ELMO1: variants seen among roughly 807,000 people sequenced by gnomAD.
The protein encoded by ELMO1 is engulfment and cell motility 1.
A neutral mutation model predicts 98.9 loss-of-function variants in ELMO1; 26 were observed. The observed-to-expected ratio is 0.26, with a 90% CI of 0.19 to 0.36. The LOEUF (loss-of-function observed/expected upper bound fraction) is 0.36, where lower values mean the gene tolerates loss of function less well. Among genes scored for constraint, ELMO1 ranks in the 10% least tolerant of loss-of-function variants. The pLI is 1.00. For synonymous variants in ELMO1, 346 were observed against 346.0 expected, an observed-to-expected ratio of 1.00 and a Z score of 0.00; for missense variants, 627 against 935.2, an observed-to-expected ratio of 0.67 and a Z score of 4.30.
At chr7:37,062,326 T>C (rs992519817) in intron 15 of ELMO1, among the ~76,000 whole-genome samples, 2 of 152,150 alleles carry the variant, frequency 1.3e-5, no homozygotes, top group Non-Finnish European at 1.5e-5. Context: ...CTTACCAGAG[T>C]ACATAAAGCC....
At chr7:36,951,124 T>G (rs756049138) in intron 16 of ELMO1, among the ~76,000 whole-genome samples, 15 of 152,216 alleles carry the variant, frequency 9.9e-5, no homozygotes, top group Non-Finnish European at 1.8e-4. Flanking sequence ...CATTTACTGC[T>G]TGGACCTGTG....
At chr7:37,272,488 C>T (rs1459673969) in intron 4 of ELMO1, among the ~76,000 whole-genome samples, 6 of 152,104 alleles carry the variant, frequency 3.9e-5, no homozygotes, top group African/African-American at 7.2e-5. Flanking sequence ...GCCAGTATGG[C>T]GAAACCCCGT....
At chr7:36,997,480 G>A (rs1384674697) in intron 16 of ELMO1, among the ~76,000 whole-genome samples, 1 of 152,096 alleles carries the variant, frequency 6.6e-6, no homozygotes, top group Non-Finnish European at 1.5e-5. Context: ...GTAGGACTTG[G>A]GGACCTACTA....
chr7:37,245,952 A>G (rs912171080), intron 6 of ELMO1, among the ~76,000 whole-genome samples: 1 of 152,198 alleles, frequency 6.6e-6, no homozygotes, highest in African/African-American at 2.4e-5. Flanking sequence ...ATTAGTCCAC[A>G]TTGTTATAGA....
At chr7:36,976,874 C>G (rs1790597054) in intron 16 of ELMO1, among the ~76,000 whole-genome samples, 1 of 152,170 alleles carries the variant, frequency 6.6e-6, no homozygotes, top group African/African-American at 2.4e-5. Context: ...AATGAGCACC[C>G]AGGTTGAAGA....
chr7:37,106,466 A>G (rs1018650023), intron 14 of ELMO1, among the ~76,000 whole-genome samples: 1 of 152,118 alleles, frequency 6.6e-6, no homozygotes, highest in African/African-American at 2.4e-5. Context: ...GGAAATAGAG[A>G]GCACAGCCCT....
intron 16 of ELMO1, among the ~76,000 whole-genome samples, chr7:36,952,964 C>CTTT (rs70980904): frequency 0.01 from 857 of 82,850 alleles, 6 homozygotes; most frequent in Non-Finnish European, 0.014. Flanking sequence ...AGTCACTACT[C>CTTT]TTTTTTTTTT....
chr7:37,320,962 T>G (rs148577384), intron 2 of ELMO1, among the ~76,000 whole-genome samples: 83 of 152,322 alleles, frequency 5.4e-4, no homozygotes, highest in African/African-American at 1.9e-3. Context: ...CTACTCCCTA[T>G]GCAGAATGAT....
At chr7:37,220,545 G>A (rs1019296922) in intron 10 of ELMO1, among the ~76,000 whole-genome samples, 4 of 152,152 alleles carry the variant, frequency 2.6e-5, no homozygotes, top group Non-Finnish European at 5.9e-5. Flanking sequence ...TTCAAAGAAA[G>A]ACTTGATTCA....
At chr7:37,025,654 C>T (rs539949833) in intron 15 of ELMO1, among the ~76,000 whole-genome samples, 261 of 152,170 alleles carry the variant, frequency 1.7e-3, no homozygotes, top group African/African-American at 6.1e-3. Flanking sequence ...CTGGGAGTTA[C>T]ATGATCAGTT....
chr7:37,334,488 T>C (rs1800294263), intron 2 of ELMO1, among the ~76,000 whole-genome samples: 1 of 152,116 alleles, frequency 6.6e-6, no homozygotes, highest in South Asian at 2.1e-4. Context: ...GGTTTTGGTG[T>C]TATACAGTGC....
At chr7:37,445,060 T>C (rs1361687414) in intron 1 of ELMO1, among the ~76,000 whole-genome samples, 1 of 152,230 alleles carries the variant, frequency 6.6e-6, no homozygotes, top group Non-Finnish European at 1.5e-5. Context: ...AGCAATACTT[T>C]GACATTAAGA....
At chr7:37,199,974 C>G (rs1412682211) in intron 13 of ELMO1, among the ~76,000 whole-genome samples, 7 of 152,192 alleles carry the variant, frequency 4.6e-5, no homozygotes, top group Non-Finnish European at 7.3e-5. Context: ...GCTTGGTTCA[C>G]TTGGTTCAAT....
chr7:37,262,225 A>G (rs777254484), intron 5 of ELMO1, among the ~76,000 whole-genome samples: 2 of 152,204 alleles, frequency 1.3e-5, no homozygotes, highest in African/African-American at 2.4e-5. Flanking sequence ...AAACCTGAAA[A>G]GGACAAATGT....
intron 16 of ELMO1, among the ~76,000 whole-genome samples, chr7:36,979,909 C>T (rs74489204): frequency 0.023 from 3,488 of 152,184 alleles, 137 homozygotes; most frequent in African/African-American, 0.08. Context: ...GGCAAGTGGA[C>T]GTCAGAACTG....
chr7:37,075,926 T>C (rs767808883), intron 15 of ELMO1, among the ~76,000 whole-genome samples: 20 of 152,198 alleles, frequency 1.3e-4, no homozygotes, highest in Admixed American at 3.9e-4. Flanking sequence ...GACAATGCTC[T>C]GTTGAGTAAG....
At chr7:37,428,298 C>A (rs527485404) in intron 1 of ELMO1, among the ~76,000 whole-genome samples, 2 of 152,030 alleles carry the variant, frequency 1.3e-5, no homozygotes, top group South Asian at 4.2e-4. Context: ...GAAAATGGTG[C>A]AGCCTGTCCC....
At chr7:37,120,875 C>A (rs940213319) in intron 14 of ELMO1, among the ~76,000 whole-genome samples, 5 of 152,184 alleles carry the variant, frequency 3.3e-5, no homozygotes, top group African/African-American at 9.7e-5. Flanking sequence ...AGGCACCCCC[C>A]AGTAGGGGCA....
chr7:37,309,721 C>A (rs867085915), intron 4 of ELMO1, among the ~76,000 whole-genome samples: 1 of 152,038 alleles, frequency 6.6e-6, no homozygotes, highest in African/African-American at 2.4e-5. Context: ...AGCAAAGGGG[C>A]GGGGACTGAA....
Sources: allele counts gnomAD v4.1 joint callset (sites outside exome capture counted in the v4.1 genomes callset), GRCh38; gene constraint gnomAD v4.1.1; transcripts MANE v1.5; gene names NCBI Gene and HGNC (gene_info 2026-07-23, HGNC 2026-07-21).